Variants in TMEM163 observed in about 807,000 individuals in gnomAD.
TMEM163 encodes the protein transmembrane protein 163.
Under a neutral mutation model 29.3 loss-of-function variants are expected in TMEM163, and 17 were observed. The ratio of observed to expected loss-of-function variants is 0.58; its 90% CI spans 0.40 to 0.87. TMEM163 has a LOEUF of 0.87. TMEM163 is among the 40% of genes least tolerant of loss of function. The probability of loss-of-function intolerance (pLI) is 0.00; values close to 1 mark genes in which losing one functional copy is unlikely to be tolerated. For synonymous variants in TMEM163, 157 were observed against 160.6 expected (o/e 0.98, Z 0.17); for missense variants, 303 against 381.5 (o/e 0.79, Z 1.71).
intron 2 of TMEM163, among the ~76,000 whole-genome samples, chr2:134,602,091 T>C (rs1371197593): frequency 1.3e-5 from 2 of 152,198 alleles, no homozygotes; most frequent in Non-Finnish European, 2.9e-5. Flanking sequence ...AAATGGAGGA[T>C]GAACGTGGTT....
chr2:134,544,491 A>C (rs1680738957), intron 4 of TMEM163, among the ~76,000 whole-genome samples: 1 of 152,210 alleles, frequency 6.6e-6, no homozygotes, highest in Admixed American at 6.5e-5. Context: ...CTTTAAATCA[A>C]GTTAAAAATC....
rs537096605 is a variant in TMEM163, at chr2:134,503,079, C to T, written c.459-82G>A. 5 of 1,352,378 alleles carry T rather than the reference C, an allele frequency of 3.7e-6. No homozygotes were observed. In the African/African-American group the frequency reaches 7.2e-5, roughly 20 times the overall value. The allele number at this position is 1,352,378 out of a possible 1,614,324, so 83.8% of individuals were successfully genotyped here. On this transcript the variant is annotated intron_variant, in intron 4 of 7. Coordinates refer to ENST00000281924, the MANE Select transcript of TMEM163 (RefSeq NM_030923.5). ...TCCACACAATTGACAGTGACAAAGACACAATCTGGGAATGAACTCAATTGT... is the reference window on the plus strand; with the variant it reads ...TCCACACAATTGACAGTGACAAAGATACAATCTGGGAATGAACTCAATTGT...
chr2:134,616,418 T>C (rs1682610434), intron 2 of TMEM163, among the ~76,000 whole-genome samples: 2 of 152,194 alleles, frequency 1.3e-5, no homozygotes, highest in Admixed American at 6.5e-5. Context: ...CCTCCTGACT[T>C]CTTTTTGTTT....
rs972244252 is a variant in TMEM163, at chr2:134,571,654, G to A, written c.323-19563C>T. ...CAGCAAAAGGATATAAAGCTAAATC[G>A]GCAGAAGGAAAAGGTGCATGGAACA... On this transcript the variant is annotated intron_variant, in intron 2 of 7. Coordinates refer to ENST00000281924, the MANE Select transcript of TMEM163 (RefSeq NM_030923.5). 7.9e-5 allele frequency among the ~76,000 whole-genome samples: 12 copies of A among 152,090 alleles called. No individual in the cohort carries two copies. The South Asian group carries it at 8.3e-4, about 11-fold the overall frequency.
intron 5 of TMEM163, among the ~76,000 whole-genome samples, chr2:134,488,120 T>C (rs958935498): frequency 2.6e-5 from 4 of 152,240 alleles, no homozygotes; most frequent in African/African-American, 9.6e-5. Context: ...GGCGAAATTA[T>C]TTGCAATGCA....
At chr2:134,677,128 C>T (rs1344853731) in intron 2 of TMEM163, among the ~76,000 whole-genome samples, 3 of 152,152 alleles carry the variant, frequency 2.0e-5, no homozygotes, top group Admixed American at 1.3e-4. Flanking sequence ...CAGCTTCCGG[C>T]GACCCTGCTC....
intron 2 of TMEM163, among the ~76,000 whole-genome samples, chr2:134,608,912 C>T (rs575177968): frequency 4.6e-5 from 3 of 65,058 alleles, no homozygotes; most frequent in African/African-American, 9.1e-5. Context: ...GGACAGACCC[C>T]GAGAACTGTG....
chr2:134,490,279 C>T (rs2106482159), intron 5 of TMEM163, among the ~76,000 whole-genome samples: 1 of 152,326 alleles, frequency 6.6e-6, no homozygotes, highest in East Asian at 1.9e-4. Flanking sequence ...AACACTATCT[C>T]TCACCAGCGG....
intron 2 of TMEM163, among the ~76,000 whole-genome samples, chr2:134,711,177 C>T (rs544293559): frequency 6.6e-6 from 1 of 152,190 alleles, no homozygotes; most frequent in East Asian, 1.9e-4. Context: ...AAGTCTGGCG[C>T]CATATAAATG....
intron 2 of TMEM163, among the ~76,000 whole-genome samples, chr2:134,563,185 C>T (rs1200080263): frequency 2.0e-5 from 3 of 152,208 alleles, no homozygotes; most frequent in Non-Finnish European, 4.4e-5. Context: ...ATTCCATCAA[C>T]GAGAGGAGCC....
chr2:134,468,917 C>G (rs1686728996), intron 5 of TMEM163: 3 of 152,202 alleles, frequency 2.0e-5, no homozygotes, highest in Admixed American at 1.3e-4. Context: ...TACTGGGAAA[C>G]AAACACTTGG....
chr2:134,548,909 T>C lies in TMEM163; in HGVS notation c.458+1661A>G, dbSNP rs1234225536. ...TCTACTTGTGACATCAGGTTGGTGC[T>C]TAAAAAGCTTTGAATTTGGGAGTAT... On this transcript the variant is annotated intron_variant, in intron 4 of 7. Coordinates refer to ENST00000281924, the MANE Select transcript of TMEM163 (RefSeq NM_030923.5). Among the ~76,000 whole-genome samples, 3 of 152,316 alleles carry C rather than the reference T, an allele frequency of 2.0e-5. No individual in the cohort carries two copies. In the East Asian group the frequency reaches 5.8e-4, roughly 29 times the overall value.
chr2:134,538,399 T>C (rs1307741067), intron 4 of TMEM163, among the ~76,000 whole-genome samples: 1 of 152,198 alleles, frequency 6.6e-6, no homozygotes, highest in Admixed American at 6.5e-5. Context: ...ACCCAGTCTA[T>C]GATATTTCAT....
intron 2 of TMEM163, among the ~76,000 whole-genome samples, chr2:134,604,077 T>C (rs1682296240): frequency 6.6e-6 from 1 of 152,128 alleles, no homozygotes; most frequent in Non-Finnish European, 1.5e-5. Context: ...GGAGTGAAGT[T>C]GTTTAGCTCC....
chr2:134,669,300 G>A (rs923545284), intron 2 of TMEM163, among the ~76,000 whole-genome samples: 1 of 152,134 alleles, frequency 6.6e-6, no homozygotes, highest in Admixed American at 6.5e-5. Flanking sequence ...ACAAGGTACC[G>A]AGTCTCTCCA....
chr2:134,515,897 A>T lies in TMEM163; in HGVS notation c.459-12900T>A, dbSNP rs1221293403. The stretch of plus-strand genomic sequence containing the variant: ...TTCTAGAAATGTCTTCTCCAGCTAC[A>T]TCACTTCTAACATTGACCTGTATTT... On this transcript the variant is annotated intron_variant, in intron 4 of 7. Coordinates refer to ENST00000281924, the MANE Select transcript of TMEM163 (RefSeq NM_030923.5). Among the ~76,000 whole-genome samples, 3 of 152,320 alleles carry T rather than the reference A, an allele frequency of 2.0e-5. No individual in the cohort carries two copies. The East Asian group carries it at 5.8e-4, about 29-fold the overall frequency.
chr2:134,509,175 C>T (rs576459797), intron 4 of TMEM163, among the ~76,000 whole-genome samples: 3 of 152,358 alleles, frequency 2.0e-5, no homozygotes. Flanking sequence ...ATGGTAGCCA[C>T]TCACCACAGG....
At chr2:134,571,531 T>C (rs972641813) in intron 2 of TMEM163, among the ~76,000 whole-genome samples, 12 of 152,240 alleles carry the variant, frequency 7.9e-5, no homozygotes, top group Non-Finnish European at 1.8e-4. Flanking sequence ...TTAGAGTACC[T>C]ATATTAGGGG....
At chr2:134,662,347 T>G (rs1336942537) in intron 2 of TMEM163, among the ~76,000 whole-genome samples, 1 of 152,190 alleles carries the variant, frequency 6.6e-6, no homozygotes, top group East Asian at 1.9e-4. Flanking sequence ...AAAAGTGATC[T>G]CTTCAAACAG....
Sources: gnomAD v4.1 joint callset for allele counts (sites outside exome capture counted in the v4.1 genomes callset) on GRCh38, gnomAD v4.1.1 for gene constraint, MANE v1.5 for transcripts, NCBI Gene and HGNC (gene_info 2026-07-23, HGNC 2026-07-21) for gene names.